STK32B: variants seen among roughly 807,000 people sequenced by gnomAD.
STK32B encodes serine/threonine kinase 32B, also known as serine/threonine-protein kinase 32B.
A neutral mutation model predicts 52.6 loss-of-function variants in STK32B; 43 were observed. The observed-to-expected ratio is 0.82, with a 90% CI of 0.64 to 1.05. STK32B has a LOEUF of 1.05. Among genes scored for constraint, STK32B ranks in the 50% least tolerant of loss-of-function variants. STK32B has a pLI of 0.00. For synonymous variants in STK32B, 238 were observed against 204.3 expected, an observed-to-expected ratio of 1.17 and a Z score of -1.41; for missense variants, 621 against 534.6, an observed-to-expected ratio of 1.16 and a Z score of -1.59.
intron 1 of STK32B, among the ~76,000 whole-genome samples, chr4:5,113,040 T>C (rs1340447246): frequency 1.3e-5 from 2 of 152,142 alleles, no homozygotes; most frequent in African/African-American, 2.4e-5. Context: ...GGAGCCTCTG[T>C]CAGCTGGGGT....
intron 3 of STK32B, among the ~76,000 whole-genome samples, chr4:5,199,552 A>T (rs1165879380): frequency 1.3e-5 from 2 of 150,996 alleles, no homozygotes; most frequent in African/African-American, 2.4e-5. Flanking sequence ...GCCCACCTTG[A>T]TAAGATTGTA....
rs561165481 is a variant in STK32B, at chr4:5,496,539, A to T, written c.1107-2406A>T. ...CCCCTTGCGCTTCCCGAGTGAGGCA[A>T]TGCCTTGCCCTGCACCCACTGTCCT... On this transcript the variant is annotated intron_variant, in intron 11 of 11. Transcript: ENST00000282908. Among the ~76,000 whole-genome samples, 2 of 123,126 alleles carry T rather than the reference A, an allele frequency of 1.6e-5. 1 individual carries two copies. The highest frequency in any genetic ancestry group is 9.7e-5 in the African/African-American group (2 of 20,704). The allele number at this position is 123,126 out of a possible 152,430, so 80.8% of individuals were successfully genotyped here.
chr4:5,453,295 A>C lies in STK32B; in HGVS notation c.667-3512A>C, dbSNP rs1716175863. Among the ~76,000 whole-genome samples, 1 of 152,064 alleles carries C rather than the reference A, an allele frequency of 6.6e-6. No individual in the cohort carries two copies. The highest frequency in any genetic ancestry group is 2.4e-5 in the African/African-American group (1 of 41,398). On this transcript the variant is annotated intron_variant, in intron 7 of 11. Coordinates refer to ENST00000282908, the MANE Select transcript of STK32B (RefSeq NM_018401.3). This position sits in a 1 kb window ranked among gnomAD's most constrained non-coding sequence, Gnocchi z 4.0. Reference sequence around the variant, plus strand: ...ATAGCAGAATTGATGAGCACCTTGAATGACCAATAAGGAAACAGGGAATGA... The same window carrying C: ...ATAGCAGAATTGATGAGCACCTTGACTGACCAATAAGGAAACAGGGAATGA...
At chr4:5,233,515 C>T (rs563632436) in intron 3 of STK32B, among the ~76,000 whole-genome samples, 22 of 151,618 alleles carry the variant, frequency 1.5e-4, no homozygotes, top group Admixed American at 2.6e-4. Context: ...GTAGAGGGGA[C>T]GGAAAGGTAT....
At chr4:5,498,800 T>C in intron 11 of STK32B, 145 bp from the exon 12 acceptor site, 2 of 1,244,342 alleles carry the variant, frequency 1.6e-6, no homozygotes, top group Non-Finnish European at 2.1e-6. Flanking sequence ...CACAGCACCG[T>C]GGATGCCTTA....
chr4:5,086,823 A>G (rs1712758492), intron 1 of STK32B, among the ~76,000 whole-genome samples: 1 of 152,248 alleles, frequency 6.6e-6, no homozygotes, highest in South Asian at 2.1e-4. Context: ...ACTGTCAATC[A>G]AGAATTGTAT....
chr4:5,462,054 A>G (rs1189025645), intron 9 of STK32B, among the ~76,000 whole-genome samples: 1 of 152,026 alleles, frequency 6.6e-6, no homozygotes, highest in African/African-American at 2.4e-5. Flanking sequence ...TCACTTGGCC[A>G]ACTGGGAGCT....
chr4:5,472,480 C>G (rs1717920064), intron 11 of STK32B, among the ~76,000 whole-genome samples: 1 of 152,236 alleles, frequency 6.6e-6, no homozygotes, highest in African/African-American at 2.4e-5. Flanking sequence ...CTGGTCAGGG[C>G]TTTGAAGGCC....
At chr4:5,308,223 T>A (rs1455468113) in intron 3 of STK32B, among the ~76,000 whole-genome samples, 2 of 152,188 alleles carry the variant, frequency 1.3e-5, no homozygotes, top group Non-Finnish European at 2.9e-5. Flanking sequence ...TCAGAGTTCT[T>A]GGCTGTCCCA....
chr4:5,443,026 C>G (rs561063188), intron 6 of STK32B, among the ~76,000 whole-genome samples: 3,005 of 150,902 alleles, frequency 0.02, 111 homozygotes, highest in African/African-American at 0.068. Flanking sequence ...TTCTCTCTGG[C>G]TGCCCTTAAC....
rs1716972315 is a variant in STK32B at position 5,460,846 on chromosome 4, C to G, written c.909+618C>G. ...AGAGGGAATATAATAGGAAATGGGG[C>G]CAGGAGGGAACACATGCCACACCAA... On this transcript the variant is annotated intron_variant, in intron 9 of 11. Coordinates refer to ENST00000282908, the MANE Select transcript of STK32B (RefSeq NM_018401.3). The surrounding 1 kb of genome is among the most constrained non-coding windows in gnomAD (Gnocchi z 4.8). 6.6e-6 allele frequency among the ~76,000 whole-genome samples: 1 copy of G among 152,124 alleles called. No individual in the cohort carries two copies. Among genetic ancestry groups the G allele is most frequent in the Non-Finnish European group, 1.5e-5 (1 of 68,026 alleles).
At chr4:5,184,157 A>G (rs1479866195) in intron 3 of STK32B, among the ~76,000 whole-genome samples, 3 of 152,132 alleles carry the variant, frequency 2.0e-5, no homozygotes, top group African/African-American at 7.2e-5. Context: ...CTTCCTCACT[A>G]AGCTTAATTA....
intron 4 of STK32B, among the ~76,000 whole-genome samples, chr4:5,344,042 G>T (rs868811321): frequency 6.6e-6 from 1 of 152,160 alleles, no homozygotes; most frequent in East Asian, 1.9e-4. Context: ...CGGTCCATAG[G>T]CAGTGCTGTT....
chr4:5,351,427 A>C (rs1733816006), intron 4 of STK32B, among the ~76,000 whole-genome samples: 1 of 152,032 alleles, frequency 6.6e-6, no homozygotes. Flanking sequence ...GAAAACCAAG[A>C]CACACATGCC....
chr4:5,465,195 A>C (rs1034779101), intron 9 of STK32B, among the ~76,000 whole-genome samples: 1 of 152,048 alleles, frequency 6.6e-6, no homozygotes, highest in African/African-American at 2.4e-5. Context: ...AGTGACAACA[A>C]CTCGGTAACA....
rs1475121937 is a variant in STK32B, at chr4:5,080,769, C to CA, written c.52+28855dup. ...ATTAATTAACATATATATCGCCTTA[C>CA]ATAGTTACCTTTTTTGTGTATATGG... is the stretch of plus-strand genomic sequence containing the variant. On this transcript the variant is annotated intron_variant, in intron 1 of 11. Transcript: ENST00000282908. 5.3e-5 allele frequency among the ~76,000 whole-genome samples: 8 copies of CA among 152,204 alleles called. No homozygotes were observed. The East Asian group carries it at 1.5e-3, about 29-fold the overall frequency.
chr4:5,483,469 C>T (rs550016923), intron 11 of STK32B, among the ~76,000 whole-genome samples: 1 of 151,562 alleles, frequency 6.6e-6, no homozygotes, highest in South Asian at 2.1e-4. Flanking sequence ...CTATTTGATC[C>T]TTCTCTCTTT....
At chr4:5,359,011 G>A (rs921118223) in intron 4 of STK32B, among the ~76,000 whole-genome samples, 2 of 152,180 alleles carry the variant, frequency 1.3e-5, no homozygotes, top group African/African-American at 2.4e-5. Context: ...ACACAGGAAA[G>A]GGGTTGGCAG....
At chr4:5,075,005 T>C (rs1711994606) in intron 1 of STK32B, among the ~76,000 whole-genome samples, 1 of 152,164 alleles carries the variant, frequency 6.6e-6, no homozygotes, top group South Asian at 2.1e-4. Context: ...TCTTTCAATT[T>C]TTCACCCATT....
Sources: allele counts gnomAD v4.1 joint callset (sites outside exome capture counted in the v4.1 genomes callset), GRCh38; gene constraint gnomAD v4.1.1; non-coding constraint Gnocchi (gnomAD v3.1); transcripts MANE v1.5; gene names NCBI Gene and HGNC (gene_info 2026-07-23, HGNC 2026-07-21).